DACH1: variants seen among roughly 807,000 people sequenced by gnomAD.
The protein encoded by DACH1 is dachshund homolog 1.
In DACH1, 12 loss-of-function variants were observed where a neutral mutation model predicts 54.2. The ratio of observed to expected loss-of-function variants is 0.22; its 90% CI spans 0.14 to 0.36. The LOEUF is 0.36. DACH1 is among the 10% of genes least tolerant of loss of function. DACH1 has a pLI of 1.00. For synonymous variants in DACH1, 386 were observed against 366.2 expected, an observed-to-expected ratio of 1.05 and a Z score of -0.62; for missense variants, 805 against 929.8, an observed-to-expected ratio of 0.87 and a Z score of 1.75.
chr13:71,522,369 T>C lies in DACH1; in HGVS notation c.1571-33221A>G, dbSNP rs992827900. 8.8e-4 allele frequency among the ~76,000 whole-genome samples: 134 copies of C among 152,064 alleles called. 1 individual carries two copies. Among genetic ancestry groups the C allele is most frequent in the African/African-American group, 3.2e-3 (131 of 41,502 alleles). ...ATTATAAATCAAAAAAACCTGAGGTTCTGCTGCAGCCCTTCCTACCACCAC... is the reference window on the plus strand; with the variant it reads ...ATTATAAATCAAAAAAACCTGAGGTCCTGCTGCAGCCCTTCCTACCACCAC... On this transcript the variant is annotated intron_variant, in intron 6 of 10. Transcript: ENST00000613252.
intron 6 of DACH1, among the ~76,000 whole-genome samples, chr13:71,496,247 A>C (rs1228042669): frequency 1.5e-5 from 2 of 132,332 alleles, no homozygotes; most frequent in African/African-American, 5.7e-5. Context: ...CCCAAAAAAC[A>C]AAAAAATTGC....
intron 1 of DACH1, among the ~76,000 whole-genome samples, chr13:71,745,920 T>C (rs1437956709): frequency 2.0e-5 from 3 of 152,142 alleles, no homozygotes; most frequent in African/African-American, 4.8e-5. Context: ...TGTTACATCA[T>C]AATAAACAAC....
At chr13:71,686,924 T>G (rs1881193172) in intron 1 of DACH1, among the ~76,000 whole-genome samples, 1 of 152,146 alleles carries the variant, frequency 6.6e-6, no homozygotes, top group South Asian at 2.1e-4. Flanking sequence ...ACATTAGGGT[T>G]TCAATAATAA....
At chr13:71,624,745 G>A (rs555342528) in intron 3 of DACH1, among the ~76,000 whole-genome samples, 43 of 151,846 alleles carry the variant, frequency 2.8e-4, no homozygotes, top group Non-Finnish European at 5.7e-4. Flanking sequence ...CTCCGATTTG[G>A]AATCTGCTCA....
chr13:71,816,640 A>ATG lies in DACH1; in HGVS notation c.848+49280_848+49281dup, dbSNP rs775594717. ...TACACGTGTATATATACACACACAT[A>ATG]TGTGTGTATATATATACACGTGTAT... is the stretch of plus-strand genomic sequence containing the variant. On this transcript the variant is annotated intron_variant, in intron 1 of 10. Coordinates refer to ENST00000613252, the MANE Select transcript of DACH1 (RefSeq NM_080759.6). Among the ~76,000 whole-genome samples the ATG allele has an allele frequency of 5.9e-4, 15 of 25,400 alleles. No individual in the cohort carries two copies. The South Asian group carries it at 0.012, about 20-fold the overall frequency. The allele number at this position is 25,400 out of a possible 152,430, so 16.7% of individuals were successfully genotyped here.
intron 1 of DACH1, among the ~76,000 whole-genome samples, chr13:71,778,526 G>T (rs905462197): frequency 7.6e-4 from 115 of 151,904 alleles, no homozygotes; most frequent in African/African-American, 2.3e-3. Flanking sequence ...CCAATTTTTG[G>T]AGAAATTTAA....
At chr13:71,656,914 C>A (rs578146509) in intron 2 of DACH1, among the ~76,000 whole-genome samples, 177 of 39,240 alleles carry the variant, frequency 4.5e-3, no homozygotes, top group Non-Finnish European at 5.9e-3. Flanking sequence ...ATTGACTGTT[C>A]TTCTTTCATA....
chr13:71,619,869 TAC>T (rs1040571937), intron 3 of DACH1, among the ~76,000 whole-genome samples: 2 of 151,908 alleles, frequency 1.3e-5, no homozygotes, highest in Non-Finnish European at 2.9e-5. Flanking sequence ...GTATAATATT[TAC>T]ACTCATTTTG....
chr13:71,860,225 C>A (rs1173710389), intron 1 of DACH1, among the ~76,000 whole-genome samples: 3 of 151,076 alleles, frequency 2.0e-5, no homozygotes, highest in African/African-American at 4.9e-5. Context: ...CGTATGTACA[C>A]ACACACACAC....
intron 1 of DACH1, among the ~76,000 whole-genome samples, chr13:71,751,968 A>T (rs764935282): frequency 6.6e-6 from 1 of 151,302 alleles, no homozygotes; most frequent in African/African-American, 2.4e-5. Flanking sequence ...TTGAAATTTT[A>T]AAAAATCTCT....
intron 10 of DACH1, among the ~76,000 whole-genome samples, chr13:71,452,475 T>G (rs879351040): frequency 2.6e-5 from 4 of 152,160 alleles, no homozygotes; most frequent in African/African-American, 7.2e-5. Flanking sequence ...ATCAGCTATA[T>G]CAGATATTTC....
chr13:71,510,505 TAAC>T (rs1880695777), intron 6 of DACH1, among the ~76,000 whole-genome samples: 1 of 152,062 alleles, frequency 6.6e-6, no homozygotes, highest in Non-Finnish European at 1.5e-5. Context: ...CAGGGTCAAA[TAAC>T]AAGATGAATC....
chr13:71,586,085 A>AT (rs1195198685), intron 3 of DACH1, among the ~76,000 whole-genome samples: 2 of 152,006 alleles, frequency 1.3e-5, no homozygotes, highest in African/African-American at 2.4e-5. Context: ...TGCAGTTAAT[A>AT]TTTTTTTAAT....
chr13:71,783,722 C>G (rs565744795), intron 1 of DACH1, among the ~76,000 whole-genome samples: 1 of 152,042 alleles, frequency 6.6e-6, no homozygotes, highest in East Asian at 1.9e-4. Flanking sequence ...ATACTTAACT[C>G]TTGCTCAGAG....
chr13:71,822,531 A>G (rs1888231560), intron 1 of DACH1, among the ~76,000 whole-genome samples: 1 of 152,184 alleles, frequency 6.6e-6, no homozygotes, highest in Non-Finnish European at 1.5e-5. Context: ...AGTTGCAATG[A>G]ATGTGGAAAG....
intron 10 of DACH1, among the ~76,000 whole-genome samples, chr13:71,448,798 C>T (rs550352909): frequency 6.8e-6 from 1 of 146,212 alleles, no homozygotes; most frequent in Non-Finnish European, 1.5e-5. Context: ...AAAGTAAAAA[C>T]TGAAAAAGTA....
At chr13:71,622,031 T>C (rs1031178897) in intron 3 of DACH1, among the ~76,000 whole-genome samples, 1 of 151,920 alleles carries the variant, frequency 6.6e-6, no homozygotes, top group African/African-American at 2.4e-5. Context: ...GGATGGGGCA[T>C]AAAGAGCACG....
intron 1 of DACH1, among the ~76,000 whole-genome samples, chr13:71,765,941 C>CAGTG (rs1280067705): frequency 6.9e-6 from 1 of 144,988 alleles, no homozygotes; most frequent in Non-Finnish European, 1.5e-5. Context: ...GGCTGGAGTG[C>CAGTG]AGTGGCGCGA....
At chr13:71,471,124 A>C (rs1431462860) in intron 10 of DACH1, among the ~76,000 whole-genome samples, 1 of 152,162 alleles carries the variant, frequency 6.6e-6, no homozygotes, top group Non-Finnish European at 1.5e-5. Context: ...GTGAAACAAC[A>C]ACAAAAACTT....
Sources: allele counts gnomAD v4.1 joint callset (sites outside exome capture counted in the v4.1 genomes callset), GRCh38; gene constraint gnomAD v4.1.1; transcripts MANE v1.5; gene names NCBI Gene and HGNC (gene_info 2026-07-23, HGNC 2026-07-21).